The following FAT3 variants were observed in gnomAD, a reference collection of about 807,000 sequenced individuals.
The protein encoded by FAT3 is FAT atypical cadherin 3, also known as protocadherin Fat 3.
Under a neutral mutation model 310.2 loss-of-function variants are expected in FAT3, and 95 were observed. The ratio of observed to expected loss-of-function variants is 0.31; its 90% CI spans 0.26 to 0.36. FAT3 has a LOEUF of 0.36. Among genes scored for constraint, FAT3 ranks in the 10% least tolerant of loss-of-function variants. The pLI is 1.00. For missense variants in FAT3, 5,408 were observed against 5,715.6 expected, an observed-to-expected ratio of 0.95 and a Z score of 1.74; for synonymous variants, 2,314 against 2,192.9, an observed-to-expected ratio of 1.06 and a Z score of -1.54.
intron 19 of FAT3, among the ~76,000 whole-genome samples, chr11:92,845,551 T>C (rs1478486768): frequency 6.6e-6 from 1 of 152,204 alleles, no homozygotes; most frequent in Non-Finnish European, 1.5e-5. Flanking sequence ...CACTGAACTT[T>C]GACCTTTACT....
chr11:92,409,514 C>A (rs1333832856), intron 2 of FAT3, among the ~76,000 whole-genome samples: 1 of 152,080 alleles, frequency 6.6e-6, no homozygotes, highest in Admixed American at 6.6e-5. Context: ...CTCAGCTCAG[C>A]AAATGCATAA....
chr11:92,797,998 C>A lies in FAT3; in HGVS notation c.4985C>A (p.Thr1662Asn). The A allele has an allele frequency of 6.2e-7, 1 of 1,613,888 alleles. No homozygotes were observed. Among genetic ancestry groups the A allele is most frequent in the Non-Finnish European group, 8.5e-7 (1 of 1,179,862 alleles). Residue 1662 changes from threonine to asparagine, a missense_variant, in exon 10 of 28, where the codon ACC becomes AAC. This residue lies in a region of FAT3 where 4,588 missense variants were observed against 4,809.8 expected (regional missense o/e 0.95). Transcript: ENST00000525166. ...SATAIVRISV[T>N]MSDNSHPKFI... ...ACTGCAATTGTGCGCATTTCCGTCA[C>A]CATGTCTGACAATTCTCACCCCAAG...
chr11:92,807,052 G>A (rs767414089), intron 12 of FAT3, among the ~76,000 whole-genome samples: 1 of 152,124 alleles, frequency 6.6e-6, no homozygotes, highest in Non-Finnish European at 1.5e-5. Context: ...TCTGGACATG[G>A]TGATGACTTT....
chr11:92,559,494 C>A, intron 3 of FAT3: 1 of 373,418 alleles, frequency 2.7e-6, no homozygotes, highest in Admixed American at 2.9e-5. Flanking sequence ...AAGGGATACC[C>A]CTGCCTCAGC....
At chr11:92,671,776 A>G (rs2135826027) in intron 3 of FAT3, among the ~76,000 whole-genome samples, 1 of 152,256 alleles carries the variant, frequency 6.6e-6, no homozygotes, top group South Asian at 2.1e-4. Flanking sequence ...CTTAGATAAT[A>G]GTAGTGGCTT....
rs780877472 is a variant in FAT3 at position 92,799,233 on chromosome 11, A to G, written c.6220A>G (p.Ile2074Val). 16 of 1,613,808 alleles carry G rather than the reference A, an allele frequency of 9.9e-6. No homozygotes were observed. The highest frequency in any genetic ancestry group is 3.3e-4 in the Middle Eastern group (2 of 6,084). The change falls in exon 10 of 28, where the codon ATT (isoleucine) becomes GTT (valine). Residue 2074 changes from isoleucine (I) to valine (V), a missense_variant. By Grantham distance (29) the Ile-to-Val change is conservative. Coordinates refer to ENST00000525166, the MANE Select transcript of FAT3 (RefSeq NM_001367949.2). ...RVARVVVRVNIEDINDNSPVF... is the reference protein window; with the variant it reads ...RVARVVVRVNVEDINDNSPVF... The stretch of plus-strand genomic sequence containing the variant: ...GGCCAGAGTGGTGGTCAGGGTTAAC[A>G]TTGAAGACATAAATGACAATTCTCC...
intron 2 of FAT3, among the ~76,000 whole-genome samples, chr11:92,476,659 C>A (rs1211981691): frequency 1.3e-5 from 2 of 152,120 alleles, no homozygotes; most frequent in Non-Finnish European, 2.9e-5. Flanking sequence ...AAGTCCTGAT[C>A]TCTGCAAGAA....
intron 3 of FAT3, among the ~76,000 whole-genome samples, chr11:92,616,879 C>T (rs908201544): frequency 6.6e-6 from 1 of 152,122 alleles, no homozygotes; most frequent in Admixed American, 6.5e-5. Context: ...TTGTCGGTAA[C>T]CCCCACCTTT....
intron 3 of FAT3, among the ~76,000 whole-genome samples, chr11:92,661,607 T>A (rs907333345): frequency 6.6e-6 from 1 of 152,064 alleles, no homozygotes; most frequent in Non-Finnish European, 1.5e-5. Context: ...CTTCTTTTTT[T>A]AAGAATATGT....
In FAT3 at chr11:92,801,633, T is replaced by C; in HGVS notation, c.8620T>C (p.Trp2874Arg). The C allele has an allele frequency of 6.2e-7, 1 of 1,613,850 alleles. No individual in the cohort carries two copies. The highest frequency in any genetic ancestry group is 8.5e-7 in the Non-Finnish European group (1 of 1,179,836). The stretch of plus-strand genomic sequence containing the variant: ...ATTCAATATTGACAGCAACACGGGC[T>C]GGATCAGTACCTTGAAGGACCTAGA... ...EAFNIDSNTG[W>R]ISTLKDLDHE... Residue 2874 changes from tryptophan (W) to arginine (R), a missense_variant, in exon 10 of 28, where the codon TGG (tryptophan) becomes CGG (arginine). Trp to Arg is a moderately radical substitution (Grantham distance 101). Coordinates refer to ENST00000525166, the MANE Select transcript of FAT3 (RefSeq NM_001367949.2).
chr11:92,872,640 A>T (rs1010056966), intron 22 of FAT3, among the ~76,000 whole-genome samples: 2 of 152,226 alleles, frequency 1.3e-5, no homozygotes, highest in Non-Finnish European at 2.9e-5. Context: ...ACATACTAGA[A>T]GGTGAGAATT....
chr11:92,241,788 TA>T (rs931305980), intron 1 of FAT3, among the ~76,000 whole-genome samples: 5 of 151,982 alleles, frequency 3.3e-5, no homozygotes, highest in Admixed American at 2.0e-4. Context: ...AAAGTAAAAT[TA>T]AAAAAAATCC....
chr11:92,515,038 G>C (rs1953432328), intron 2 of FAT3, among the ~76,000 whole-genome samples: 1 of 152,016 alleles, frequency 6.6e-6, no homozygotes, highest in Admixed American at 6.6e-5. Flanking sequence ...AGTGTTCTTT[G>C]AGGTCTCTTC....
chr11:92,572,250 C>G (rs960301445), intron 3 of FAT3, among the ~76,000 whole-genome samples: 8 of 152,156 alleles, frequency 5.3e-5, no homozygotes, highest in Non-Finnish European at 1.5e-5. Flanking sequence ...AAGATATGTA[C>G]TATTTACTTA....
At chr11:92,265,567 C>T (rs149415507) in intron 1 of FAT3, among the ~76,000 whole-genome samples, 1 of 152,060 alleles carries the variant, frequency 6.6e-6, no homozygotes, top group East Asian at 1.9e-4. Flanking sequence ...GGTTGGGTGT[C>T]TTAGATCATT....
chr11:92,374,021 C>CAGAGAGAGGGAGAGAGAG (rs1555026613), intron 2 of FAT3, among the ~76,000 whole-genome samples: 5 of 106,234 alleles, frequency 4.7e-5, no homozygotes, highest in Non-Finnish European at 9.4e-5. Flanking sequence ...GACTCTCAGA[C>CAGAGAGAGGGAGAGAGAG]AGAGAGAGGG....
chr11:92,516,205 A>G (rs1017701405), intron 2 of FAT3, among the ~76,000 whole-genome samples: 5 of 152,292 alleles, frequency 3.3e-5, no homozygotes, highest in African/African-American at 9.6e-5. Context: ...TTTCAGGCCA[A>G]TATCCCTGAT....
At chr11:92,495,399 G>C (rs1349378214) in intron 2 of FAT3, among the ~76,000 whole-genome samples, 4 of 152,072 alleles carry the variant, frequency 2.6e-5, no homozygotes, top group Admixed American at 2.6e-4. Context: ...AACAATTTGT[G>C]TACAATGAAG....
At chr11:92,442,916 A>G (rs1310293284) in intron 2 of FAT3, among the ~76,000 whole-genome samples, 1 of 152,068 alleles carries the variant, frequency 6.6e-6, no homozygotes, top group Non-Finnish European at 1.5e-5. Context: ...CTTCTTTTCT[A>G]TTTCTAAAAT....
Sources: gnomAD v4.1 joint callset for allele counts (sites outside exome capture counted in the v4.1 genomes callset) on GRCh38, gnomAD v4.1.1 for gene constraint, gnomAD v4.1.1 regional missense constraint, MANE v1.5 for transcripts, NCBI Gene and HGNC (gene_info 2026-07-23, HGNC 2026-07-21) for gene names.